TMEM248: variants seen among roughly 807,000 people sequenced by gnomAD.
TMEM248 encodes the protein transmembrane protein 248, also known as UPF0458 protein C7orf42.
In TMEM248, 9 loss-of-function variants were observed where a neutral mutation model predicts 30.3. That is an observed-to-expected ratio of 0.30 (90% CI 0.18 to 0.52). The LOEUF (loss-of-function observed/expected upper bound fraction) is 0.52. TMEM248 is among the 20% of genes least tolerant of loss of function. The probability of loss-of-function intolerance (pLI) is 0.97; values close to 1 mark genes in which losing one functional copy is unlikely to be tolerated. For synonymous variants in TMEM248, 184 were observed against 154.4 expected, an observed-to-expected ratio of 1.19 and a Z score of -1.42; for missense variants, 338 against 403.3, an observed-to-expected ratio of 0.84 and a Z score of 1.39.
intron 1 of TMEM248, among the ~76,000 whole-genome samples, chr7:66,928,980 GTCT>G (rs1338659398): frequency 6.6e-6 from 1 of 152,150 alleles, no homozygotes; most frequent in Non-Finnish European, 1.5e-5. Flanking sequence ...TAGACACAGG[GTCT>G]TCTTGTGTTT....
intron 1 of TMEM248, among the ~76,000 whole-genome samples, chr7:66,935,321 T>A (rs1420539989): frequency 6.6e-6 from 1 of 151,928 alleles, no homozygotes; most frequent in Non-Finnish European, 1.5e-5. Flanking sequence ...TAGCTGGGAT[T>A]ACAGGTGCTT....
intron 1 of TMEM248, among the ~76,000 whole-genome samples, chr7:66,923,906 TC>T (rs1289414613): frequency 1.3e-5 from 2 of 152,206 alleles, no homozygotes; most frequent in African/African-American, 4.8e-5. Flanking sequence ...CGTCAAGTGA[TC>T]CGCCTGCCTC....
chr7:66,953,573 G>C (rs186020234), intron 6 of TMEM248, among the ~76,000 whole-genome samples: 4 of 152,226 alleles, frequency 2.6e-5, no homozygotes, highest in African/African-American at 4.8e-5. Flanking sequence ...CTGTAAAATG[G>C]TACAGTATTT....
chr7:66,926,151 A>G (rs1426082774), intron 1 of TMEM248, among the ~76,000 whole-genome samples: 1 of 152,114 alleles, frequency 6.6e-6, no homozygotes, highest in East Asian at 1.9e-4. Flanking sequence ...GGCCAACTAT[A>G]TCTGTTGGCC....
chr7:66,938,600 C>T (rs139951004), intron 1 of TMEM248, among the ~76,000 whole-genome samples: 226 of 152,240 alleles, frequency 1.5e-3, no homozygotes, highest in Non-Finnish European at 2.5e-3. Context: ...CTCCGCCCTC[C>T]GGGTTCAACT....
In TMEM248 at chr7:66,945,242, G is replaced by A; in HGVS notation, c.426G>A (p.Gly142=). 1.2e-6 allele frequency: 2 copies of A among 1,613,594 alleles called. No individual in the cohort carries two copies. Among genetic ancestry groups the A allele is most frequent in the South Asian group, 1.1e-5 (1 of 91,082 alleles). ...CCCATCTGTACTCAACCATCTTAGG[G>A]CATCAGATTGGACTTTCAGGTATGC... ...NVTHLYSTIL[G]HQIGLSGREA... Residue 142 remains glycine (G), a synonymous_variant, in exon 3 of 7, where the codon GGG becomes GGA. Coordinates refer to ENST00000341567, the MANE Select transcript of TMEM248 (RefSeq NM_017994.5).
intron 1 of TMEM248, among the ~76,000 whole-genome samples, chr7:66,925,646 C>G (rs1042675331): frequency 5.3e-5 from 8 of 151,766 alleles, no homozygotes; most frequent in Non-Finnish European, 1.2e-4. Flanking sequence ...AGTATATATT[C>G]AGCAGTGGGA....
chr7:66,955,230 T>A (rs561055960), intron 6 of TMEM248, among the ~76,000 whole-genome samples: 11 of 152,270 alleles, frequency 7.2e-5, no homozygotes, highest in Admixed American at 7.2e-4. Context: ...ACCACTGCAC[T>A]CCAGCCTGGA....
intron 2 of TMEM248, among the ~76,000 whole-genome samples, chr7:66,942,496 A>G (rs1445317715): frequency 6.6e-6 from 1 of 152,050 alleles, no homozygotes; most frequent in Non-Finnish European, 1.5e-5. Flanking sequence ...TTCCAAATAT[A>G]TTTGTTTTTT....
At chr7:66,939,542 C>T (rs1791892309) in intron 1 of TMEM248, among the ~76,000 whole-genome samples, 1 of 152,146 alleles carries the variant, frequency 6.6e-6, no homozygotes, top group Non-Finnish European at 1.5e-5. Context: ...TAAAAAATTG[C>T]TTTTTGCTAA....
chr7:66,939,940 T>A (rs1340711083), intron 1 of TMEM248, among the ~76,000 whole-genome samples: 1 of 152,152 alleles, frequency 6.6e-6, no homozygotes, highest in African/African-American at 2.4e-5. Context: ...AGGAGCTGGC[T>A]ATTAAACAGA....
chr7:66,938,973 T>G lies in TMEM248; in HGVS notation c.-18-2875T>G, dbSNP rs879513068. On this transcript the variant is annotated intron_variant, in intron 1 of 6. Coordinates refer to ENST00000341567, the MANE Select transcript of TMEM248 (RefSeq NM_017994.5). ...ATAGACTAACACCCTATTAGTAACT[T>G]ACCAGAGGATTCAGGCAGTTCAGTT... Among the ~76,000 whole-genome samples, 22 of 152,346 alleles carry G rather than the reference T, an allele frequency of 1.4e-4. No individual in the cohort carries two copies. The East Asian group carries it at 3.5e-3, about 24-fold the overall frequency.
chr7:66,939,413 A>G (rs566342988), intron 1 of TMEM248, among the ~76,000 whole-genome samples: 1 of 152,380 alleles, frequency 6.6e-6, no homozygotes, highest in South Asian at 2.1e-4. Context: ...AGAGATCAAC[A>G]GAGATGTCAG....
In TMEM248 at chr7:66,955,476, G is replaced by A. The variant is rs761527839; in HGVS notation, c.925-26G>A. On this transcript the variant is annotated intron_variant, in intron 6 of 6. Coordinates refer to ENST00000341567, the MANE Select transcript of TMEM248 (RefSeq NM_017994.5). ...TTACCTAGGCTTCCCTTTTTTGACT[G>A]GTTTCCCTGGCTTGCTGTCTTCCAG... The A allele has an allele frequency of 6.8e-6, 11 of 1,613,200 alleles. 1 individual carries two copies. The South Asian group carries it at 1.2e-4, about 18-fold the overall frequency.
chr7:66,926,234 C>G lies in TMEM248; in HGVS notation c.-19+4773C>G, dbSNP rs982483924. Among the ~76,000 whole-genome samples the G allele has an allele frequency of 3.3e-5, 5 of 152,116 alleles. No homozygotes were observed. The South Asian group carries it at 1.0e-3, about 31-fold the overall frequency. ...TTTAATCCCTAGGGATTTGGAGAAG[C>G]TACTTGCAAACCATACGTCTGAAAA... On this transcript the variant is annotated intron_variant, in intron 1 of 6. Transcript: ENST00000341567.
At chr7:66,948,065 G>A (rs1424680697) in intron 3 of TMEM248, among the ~76,000 whole-genome samples, 1 of 152,104 alleles carries the variant, frequency 6.6e-6, no homozygotes, top group Non-Finnish European at 1.5e-5. Flanking sequence ...GCAATACGTT[G>A]GTTTTAGTTT....
intron 4 of TMEM248, 56 bp downstream of exon 4, chr7:66,948,750 A>G: frequency 1.3e-6 from 2 of 1,557,472 alleles, no homozygotes. Context: ...TGCCGTGAGT[A>G]CGGCTGGGCT....
intron 1 of TMEM248, chr7:66,922,037 A>G (rs1791398587): frequency 1.3e-5 from 2 of 152,186 alleles, no homozygotes; most frequent in South Asian, 2.1e-4. Flanking sequence ...TCAGAAATAA[A>G]ACCAGGCTTG....
At chr7:66,926,989 G>A (rs555808138) in intron 1 of TMEM248, among the ~76,000 whole-genome samples, 42 of 152,244 alleles carry the variant, frequency 2.8e-4, no homozygotes, top group African/African-American at 8.7e-4. Context: ...TTACAGAAAG[G>A]TTTCATACTG....
Sources: allele counts gnomAD v4.1 joint callset (sites outside exome capture counted in the v4.1 genomes callset), GRCh38; gene constraint gnomAD v4.1.1; transcripts MANE v1.5; gene names NCBI Gene and HGNC (gene_info 2026-07-23, HGNC 2026-07-21).